The following AFF3 variants were observed in gnomAD, a reference collection of about 807,000 sequenced individuals.
AFF3 encodes the protein AF4/FMR2 family member 3.
A neutral mutation model predicts 129.7 loss-of-function variants in AFF3; 32 were observed. The observed-to-expected ratio is 0.25, with a 90% CI of 0.19 to 0.33. AFF3 has a LOEUF of 0.33. AFF3 is among the 10% of genes least tolerant of loss of function. AFF3 has a pLI of 1.00. For synonymous variants in AFF3, 644 were observed against 635.4 expected, an observed-to-expected ratio of 1.01 and a Z score of -0.20; for missense variants, 1,373 against 1,592.0, an observed-to-expected ratio of 0.86 and a Z score of 2.34.
At chr2:99,687,191 G>A (rs1675147140) in intron 11 of AFF3, among the ~76,000 whole-genome samples, 1 of 152,234 alleles carries the variant, frequency 6.6e-6, no homozygotes, top group Non-Finnish European at 1.5e-5. Context: ...GCCAAGAGAT[G>A]TGTTCCTACC....
intron 11 of AFF3, among the ~76,000 whole-genome samples, chr2:99,713,682 C>G (rs1200237653): frequency 6.6e-6 from 1 of 151,782 alleles, no homozygotes; most frequent in Non-Finnish European, 1.5e-5. Flanking sequence ...AAACAGGAGA[C>G]AGGGGAATAT....
chr2:99,869,215 G>A (rs754989017), intron 7 of AFF3, among the ~76,000 whole-genome samples: 1 of 152,110 alleles, frequency 6.6e-6, no homozygotes, highest in Non-Finnish European at 1.5e-5. Flanking sequence ...AAGAAAAGCG[G>A]GTCCCCAGGA....
At chr2:99,985,107 A>T (rs1679750013) in intron 7 of AFF3, among the ~76,000 whole-genome samples, 1 of 152,228 alleles carries the variant, frequency 6.6e-6, no homozygotes, top group Non-Finnish European at 1.5e-5. Context: ...AAATACACAG[A>T]TGTGAGGCAT....
At chr2:99,644,564 A>G (rs537160481) in intron 13 of AFF3, among the ~76,000 whole-genome samples, 1 of 152,342 alleles carries the variant, frequency 6.6e-6, no homozygotes, top group African/African-American at 2.4e-5. Context: ...GACAGATGGA[A>G]GCAGTCCAAG....
At chr2:99,852,311 G>A (rs556251550) in intron 7 of AFF3, among the ~76,000 whole-genome samples, 3 of 151,934 alleles carry the variant, frequency 2.0e-5, no homozygotes, top group Non-Finnish European at 2.9e-5. Context: ...AAAACCTCCC[G>A]AGAGACTATT....
chr2:99,882,239 G>A (rs1353407063), intron 7 of AFF3, among the ~76,000 whole-genome samples: 1 of 152,148 alleles, frequency 6.6e-6, no homozygotes, highest in Non-Finnish European at 1.5e-5. Flanking sequence ...CACTGTTGAG[G>A]TTTGCCTGAT....
chr2:100,026,704 A>AAT (rs1374426971), intron 4 of AFF3, among the ~76,000 whole-genome samples: 27 of 131,294 alleles, frequency 2.1e-4, no homozygotes, highest in Middle Eastern at 4.1e-3. Flanking sequence ...TATATAAATA[A>AAT]ATATATATAT....
rs180704675 is a variant in AFF3, at chr2:99,722,711, T to C, written c.1091+4366A>G. On this transcript the variant is annotated intron_variant, in intron 11 of 24. Coordinates refer to ENST00000672756, the MANE Select transcript of AFF3 (RefSeq NM_001386135.1). ...CGCTCATTGGCATATTCCCCACACATATGCAGTTTAGGGGTTATTCAAGGA... is the reference window on the plus strand; with the variant it reads ...CGCTCATTGGCATATTCCCCACACACATGCAGTTTAGGGGTTATTCAAGGA... Among the ~76,000 whole-genome samples, 42 of 152,322 alleles carry C rather than the reference T, an allele frequency of 2.8e-4. No homozygotes were observed. In the East Asian group the frequency reaches 8.1e-3, roughly 29 times the overall value.
At chr2:100,074,563 T>G (rs1013582678) in intron 4 of AFF3, among the ~76,000 whole-genome samples, 9 of 152,346 alleles carry the variant, frequency 5.9e-5, no homozygotes, top group African/African-American at 9.6e-5. Context: ...TGTTAATAGA[T>G]TAGTTTCTTT....
In AFF3 at chr2:99,550,199, AAAC is replaced by A. The variant is rs1243141638; in HGVS notation, c.*1272_*1274del. The A allele has an allele frequency of 1.7e-5, 4 of 230,528 alleles. No homozygotes were observed. Among genetic ancestry groups the A allele is most frequent in the Non-Finnish European group, 3.4e-5 (4 of 116,396 alleles). 14.3% of individuals were successfully genotyped at this position (230,528 alleles called of 1,614,324 possible). On this transcript the variant is annotated 3_prime_UTR_variant, in exon 25 of 25. Coordinates refer to ENST00000672756, the MANE Select transcript of AFF3 (RefSeq NM_001386135.1). ...AAATGTAAACTTAATTAAAAAAAGA[AAAC>A]AAGAGAAAAACTCAGAGCAAGGTGT...
At chr2:99,553,462 G>T (rs928606462) in intron 24 of AFF3, among the ~76,000 whole-genome samples, 2 of 152,222 alleles carry the variant, frequency 1.3e-5, no homozygotes, top group Non-Finnish European at 2.9e-5. Flanking sequence ...ACTCAGATTT[G>T]CACTCTTACC....
At chr2:99,835,233 C>T (rs1688780181) in intron 8 of AFF3, among the ~76,000 whole-genome samples, 1 of 152,194 alleles carries the variant, frequency 6.6e-6, no homozygotes, top group Admixed American at 6.5e-5. Flanking sequence ...GATCACATCA[C>T]TCTGCTCAAA....
chr2:99,859,151 T>C lies in AFF3; in HGVS notation c.874-21627A>G, dbSNP rs188102604. Among the ~76,000 whole-genome samples the C allele has an allele frequency of 2.3e-4, 35 of 152,310 alleles. 1 individual carries two copies. The highest frequency in any genetic ancestry group is 2.2e-3 in the Admixed American group (33 of 15,298). On this transcript the variant is annotated intron_variant, in intron 7 of 24. Coordinates refer to ENST00000672756, the MANE Select transcript of AFF3 (RefSeq NM_001386135.1). ...TAGAATTATTTTACACTTGCCCACA[T>C]CAAAGCTAATGTTTCTCCTTGCTGC...
chr2:99,859,436 A>G (rs1413686117), intron 7 of AFF3, among the ~76,000 whole-genome samples: 3 of 152,224 alleles, frequency 2.0e-5, no homozygotes, highest in African/African-American at 7.2e-5. Flanking sequence ...GGTGGGATCC[A>G]AGATTTTACA....
At chr2:99,831,480 A>G (rs1688514670) in intron 8 of AFF3, among the ~76,000 whole-genome samples, 4 of 152,256 alleles carry the variant, frequency 2.6e-5, no homozygotes, top group Admixed American at 2.6e-4. Context: ...AAGAACACTC[A>G]AATGAAACCC....
intron 7 of AFF3, among the ~76,000 whole-genome samples, chr2:99,876,653 G>A (rs545296773): frequency 1.4e-4 from 21 of 151,924 alleles, no homozygotes; most frequent in Non-Finnish European, 1.9e-4. Flanking sequence ...ATTCTCCAAC[G>A]GCTTTCCATG....
chr2:99,953,165 C>T (rs1676322310), intron 7 of AFF3, among the ~76,000 whole-genome samples: 1 of 152,090 alleles, frequency 6.6e-6, no homozygotes, highest in Admixed American at 6.6e-5. Context: ...TTTTAGAATT[C>T]CAAAGGTATC....
At chr2:100,126,286 A>G (rs761589552) in intron 2 of AFF3, among the ~76,000 whole-genome samples, 13 of 152,218 alleles carry the variant, frequency 8.5e-5, no homozygotes, top group South Asian at 8.3e-4. Flanking sequence ...GTGGCAAAGC[A>G]TGTTCTGTTC....
intron 7 of AFF3, among the ~76,000 whole-genome samples, chr2:99,892,022 C>T (rs1693598224): frequency 6.6e-6 from 1 of 152,128 alleles, no homozygotes; most frequent in Non-Finnish European, 1.5e-5. Context: ...CAGGGTTTCA[C>T]CGTATTAGCC....
Sources: gnomAD v4.1 joint callset for allele counts (sites outside exome capture counted in the v4.1 genomes callset) on GRCh38, gnomAD v4.1.1 for gene constraint, MANE v1.5 for transcripts, NCBI Gene and HGNC (gene_info 2026-07-23, HGNC 2026-07-21) for gene names.